Variants in PDE10A observed in about 807,000 individuals in gnomAD.
PDE10A encodes the protein cAMP and cAMP-inhibited cGMP 3',5'-cyclic phosphodiesterase 10A.
Under a neutral mutation model 97.7 loss-of-function variants are expected in PDE10A, and 39 were observed. The ratio of observed to expected loss-of-function variants is 0.40; its 90% CI spans 0.31 to 0.52. The LOEUF (loss-of-function observed/expected upper bound fraction) is 0.52, where lower values mean the gene tolerates loss of function less well. PDE10A is among the 20% of genes least tolerant of loss of function. The pLI, the probability that PDE10A is intolerant of heterozygous loss-of-function variation, is 0.56. For synonymous variants in PDE10A, 371 were observed against 376.8 expected, an observed-to-expected ratio of 0.98 and a Z score of 0.18; for missense variants, 731 against 1,047.8, an observed-to-expected ratio of 0.70 and a Z score of 4.17.
intron 1 of PDE10A, among the ~76,000 whole-genome samples, chr6:165,942,098 G>A (rs921881024): frequency 2.0e-5 from 3 of 152,016 alleles, no homozygotes; most frequent in African/African-American, 4.8e-5. Context: ...ACTTCAAAAC[G>A]TGCACATTTG....
chr6:165,926,334 C>A (rs1469205833), intron 1 of PDE10A, among the ~76,000 whole-genome samples: 1 of 152,226 alleles, frequency 6.6e-6, no homozygotes, highest in East Asian at 1.9e-4. Flanking sequence ...AACAAACACC[C>A]TTTAGCCAAT....
At chr6:165,376,654 C>T (rs1468398554) in intron 18 of PDE10A, among the ~76,000 whole-genome samples, 1 of 152,170 alleles carries the variant, frequency 6.6e-6, no homozygotes, top group African/African-American at 2.4e-5. Flanking sequence ...GCGGCTCTGG[C>T]CTGTAATCCC....
intron 1 of PDE10A, among the ~76,000 whole-genome samples, chr6:165,792,858 G>T (rs1224361584): frequency 6.6e-6 from 1 of 152,126 alleles, no homozygotes; most frequent in Non-Finnish European, 1.5e-5. Context: ...ATACTTAGAG[G>T]TTTTAAGTGT....
At chr6:165,623,725 C>CATGCCA (rs1337078936) in intron 1 of PDE10A, among the ~76,000 whole-genome samples, 13 of 151,088 alleles carry the variant, frequency 8.6e-5, no homozygotes, top group African/African-American at 3.0e-4. Flanking sequence ...TCCCTCCCCT[C>CATGCCA]CTCCCTCATG....
At chr6:165,944,991 C>T (rs1783719029) in intron 1 of PDE10A, among the ~76,000 whole-genome samples, 2 of 152,326 alleles carry the variant, frequency 1.3e-5, no homozygotes, top group Middle Eastern at 3.4e-3. Flanking sequence ...TGGGAGCCAA[C>T]TCATGGTGGC....
intron 1 of PDE10A, among the ~76,000 whole-genome samples, chr6:165,944,748 G>T (rs572754192): frequency 2.5e-4 from 38 of 152,294 alleles, no homozygotes; most frequent in African/African-American, 9.1e-4. Context: ...TTGCTTCAAA[G>T]AGCTGGTTGG....
intron 1 of PDE10A, among the ~76,000 whole-genome samples, chr6:165,959,744 C>A (rs1037557185): frequency 6.6e-5 from 10 of 152,046 alleles, no homozygotes; most frequent in Non-Finnish European, 1.3e-4. Flanking sequence ...CTGAAGAGGG[C>A]CCTCTCTCCC....
At position 165,488,695 on chromosome 6, in the gene PDE10A, G is replaced by T. The variant is rs1002204532; in HGVS notation, c.995-6352C>A. ...CTCAGATGGAGGCTTGTACCCTGGG[G>T]CAAGTTCTCAGCCCTGCTCACCACC... On this transcript the variant is annotated intron_variant, in intron 2 of 21. Transcript: ENST00000539869. Among the ~76,000 whole-genome samples, 3 of 152,096 alleles carry T rather than the reference G, an allele frequency of 2.0e-5. No homozygotes were observed. In the South Asian group the frequency reaches 6.2e-4, roughly 32 times the overall value.
At chr6:165,399,681 T>C (rs693799) in intron 13 of PDE10A, among the ~76,000 whole-genome samples, 37,240 of 151,762 alleles carry the variant, frequency 0.25, 6,811 homozygotes, top group African/African-American at 0.51. Context: ...TGGTGTTTGG[T>C]TTTCTGTCCT....
intron 1 of PDE10A, chr6:165,894,527 T>A (rs1320924467): frequency 2.2e-6 from 1 of 456,032 alleles, no homozygotes; most frequent in Non-Finnish European, 4.4e-6. Context: ...GAGGGAGTTT[T>A]AATAGACCAC....
intron 1 of PDE10A, among the ~76,000 whole-genome samples, chr6:165,639,832 C>T (rs573573989): frequency 3.3e-5 from 5 of 151,500 alleles, no homozygotes; most frequent in Admixed American, 3.3e-4. Flanking sequence ...CTTTGGGAGG[C>T]CAAGGAGGGA....
At chr6:165,739,567 T>G (rs1445375866) in intron 1 of PDE10A, among the ~76,000 whole-genome samples, 2 of 151,840 alleles carry the variant, frequency 1.3e-5, no homozygotes, top group African/African-American at 4.8e-5. Flanking sequence ...GCTTTTGAAA[T>G]TGGTCTGGGC....
At chr6:165,572,465 T>C (rs554003523) in intron 1 of PDE10A, among the ~76,000 whole-genome samples, 2 of 152,294 alleles carry the variant, frequency 1.3e-5, no homozygotes, top group African/African-American at 4.8e-5. Context: ...CAACAAAACA[T>C]TCATCAAAAG....
chr6:165,546,760 T>C (rs1403810428), intron 1 of PDE10A, among the ~76,000 whole-genome samples: 1 of 151,970 alleles, frequency 6.6e-6, no homozygotes, highest in Non-Finnish European at 1.5e-5. Context: ...AAAGGAAGAG[T>C]TCAGAATGAT....
chr6:165,620,794 G>A (rs919080196), intron 1 of PDE10A, among the ~76,000 whole-genome samples: 1 of 141,580 alleles, frequency 7.1e-6, no homozygotes, highest in South Asian at 2.2e-4. Flanking sequence ...AGGTCGAGGC[G>A]GGTGGATCAT....
chr6:165,391,667 T>C (rs1172419023), intron 16 of PDE10A, among the ~76,000 whole-genome samples: 2 of 152,166 alleles, frequency 1.3e-5, no homozygotes, highest in South Asian at 2.1e-4. Flanking sequence ...CTAAAGATTG[T>C]TTTAAAAAAA....
intron 18 of PDE10A, among the ~76,000 whole-genome samples, chr6:165,352,439 A>T (rs376357781): frequency 6.6e-6 from 1 of 152,228 alleles, no homozygotes; most frequent in East Asian, 1.9e-4. Flanking sequence ...GATAGTAATT[A>T]TAATTGACAT....
chr6:165,365,857 G>C (rs1281369548), intron 18 of PDE10A, among the ~76,000 whole-genome samples: 3 of 152,110 alleles, frequency 2.0e-5, no homozygotes, highest in Non-Finnish European at 4.4e-5. Flanking sequence ...CAGAAAGAAA[G>C]ATCAATAGCT....
chr6:165,586,118 C>A (rs960389760), intron 1 of PDE10A, among the ~76,000 whole-genome samples: 1 of 152,216 alleles, frequency 6.6e-6, no homozygotes, highest in Non-Finnish European at 1.5e-5. Context: ...CCCTGCCCCC[C>A]TTTTGCTTTG....
Sources: gnomAD v4.1 joint callset for allele counts (sites outside exome capture counted in the v4.1 genomes callset) on GRCh38, gnomAD v4.1.1 for gene constraint, MANE v1.5 for transcripts, NCBI Gene and HGNC (gene_info 2026-07-23, HGNC 2026-07-21) for gene names.